The following FUT9 variants were observed in gnomAD, a reference collection of about 807,000 sequenced individuals.
FUT9 encodes the protein 4-galactosyl-N-acetylglucosaminide 3-alpha-L-fucosyltransferase 9.
A neutral mutation model predicts 29.7 loss-of-function variants in FUT9; 15 were observed. That is an observed-to-expected ratio of 0.51 (90% CI 0.34 to 0.78). FUT9 has a LOEUF of 0.78. Among genes scored for constraint, FUT9 ranks in the 30% least tolerant of loss-of-function variants. The pLI is 0.01. For synonymous variants in FUT9, 169 were observed against 153.7 expected, an observed-to-expected ratio of 1.10 and a Z score of -0.74; for missense variants, 319 against 425.4, an observed-to-expected ratio of 0.75 and a Z score of 2.20.
intron 1 of FUT9, among the ~76,000 whole-genome samples, chr6:96,080,327 T>A (rs1054764118): frequency 6.6e-5 from 10 of 152,082 alleles, no homozygotes; most frequent in Admixed American, 1.3e-4. Context: ...GTCTAGAATC[T>A]AGGACTTATT....
chr6:96,132,236 C>G (rs1341915319), intron 2 of FUT9, among the ~76,000 whole-genome samples: 1 of 151,926 alleles, frequency 6.6e-6, no homozygotes, highest in African/African-American at 2.4e-5. Flanking sequence ...CTTTTCCACT[C>G]CATGAAACTT....
intron 1 of FUT9, among the ~76,000 whole-genome samples, chr6:96,105,987 C>T (rs892809639): frequency 1.3e-5 from 2 of 152,152 alleles, no homozygotes; most frequent in Non-Finnish European, 2.9e-5. Context: ...ACTTTTCTGA[C>T]ATTAGTGATC....
intron 1 of FUT9, among the ~76,000 whole-genome samples, chr6:96,097,257 C>T (rs1771516267): frequency 6.6e-6 from 1 of 152,218 alleles, no homozygotes; most frequent in African/African-American, 2.4e-5. Flanking sequence ...ACCCTGGCAC[C>T]TAATATAGTG....
intron 1 of FUT9, among the ~76,000 whole-genome samples, chr6:96,041,557 G>A (rs765711026): frequency 5.3e-5 from 8 of 152,146 alleles, no homozygotes; most frequent in Non-Finnish European, 1.2e-4. Flanking sequence ...GTGGTATGGA[G>A]AAATTTTACA....
At chr6:96,063,281 C>T (rs1353871887) in intron 1 of FUT9, among the ~76,000 whole-genome samples, 1 of 152,080 alleles carries the variant, frequency 6.6e-6, no homozygotes, top group Non-Finnish European at 1.5e-5. Context: ...AATTGGCTCA[C>T]GGTTCTGTAT....
chr6:96,022,103 A>G (rs781044717), intron 1 of FUT9, among the ~76,000 whole-genome samples: 1 of 152,038 alleles, frequency 6.6e-6, no homozygotes, highest in Non-Finnish European at 1.5e-5. Flanking sequence ...AGAGAGCTTC[A>G]AGGAAAAATG....
chr6:96,035,002 A>T (rs1770325946), intron 1 of FUT9, among the ~76,000 whole-genome samples: 1 of 151,754 alleles, frequency 6.6e-6, no homozygotes, highest in Non-Finnish European at 1.5e-5. Flanking sequence ...AACATAGGCA[A>T]ATTAGCTACA....
At chr6:96,130,538 G>T (rs905996544) in intron 2 of FUT9, among the ~76,000 whole-genome samples, 1 of 152,062 alleles carries the variant, frequency 6.6e-6, no homozygotes, top group African/African-American at 2.4e-5. Flanking sequence ...GGACATTAAA[G>T]AAATTCTGTA....
At chr6:96,151,098 G>C (rs1772666952) in intron 2 of FUT9, among the ~76,000 whole-genome samples, 1 of 152,152 alleles carries the variant, frequency 6.6e-6, no homozygotes, top group Non-Finnish European at 1.5e-5. Flanking sequence ...AAACTTAGCA[G>C]AGTGGGTAAC....
At chr6:96,202,488 G>T (rs1773743209) in intron 2 of FUT9, among the ~76,000 whole-genome samples, 1 of 151,942 alleles carries the variant, frequency 6.6e-6, no homozygotes, top group Admixed American at 6.6e-5. Context: ...AAAACTGTAA[G>T]AAAAATATAT....
At chr6:96,128,964 A>C (rs1772182506) in intron 2 of FUT9, among the ~76,000 whole-genome samples, 1 of 151,914 alleles carries the variant, frequency 6.6e-6, no homozygotes, top group East Asian at 1.9e-4. Context: ...TCCACAAAAA[A>C]ATACAAATAG....
At chr6:96,081,711 G>T (rs982257853) in intron 1 of FUT9, among the ~76,000 whole-genome samples, 2 of 151,834 alleles carry the variant, frequency 1.3e-5, no homozygotes, top group African/African-American at 4.8e-5. Context: ...GAACAAAGTT[G>T]AGATTTCCAC....
intron 1 of FUT9, among the ~76,000 whole-genome samples, chr6:96,056,085 T>C (rs1346164977): frequency 6.6e-6 from 1 of 152,226 alleles, no homozygotes; most frequent in African/African-American, 2.4e-5. Context: ...TTTAGATATG[T>C]TGAGTTTCTG....
intron 2 of FUT9, among the ~76,000 whole-genome samples, chr6:96,160,776 T>C (rs992154727): frequency 6.6e-6 from 1 of 152,178 alleles, no homozygotes; most frequent in Non-Finnish European, 1.5e-5. Context: ...TTAATTTTGA[T>C]AAAAATATAA....
intron 1 of FUT9, among the ~76,000 whole-genome samples, chr6:96,041,045 C>T (rs925262138): frequency 4.6e-5 from 7 of 151,938 alleles, no homozygotes; most frequent in Non-Finnish European, 8.8e-5. Flanking sequence ...CTTATTTGTT[C>T]TGCTTTTCTC....
rs1773888356 is a variant in FUT9, at chr6:96,209,199, G to C, written c.*4964G>C. 6.0e-6 allele frequency: 1 copy of C among 166,728 alleles called. No homozygotes were observed. Among genetic ancestry groups the C allele is most frequent in the Admixed American group, 6.6e-5 (1 of 15,210 alleles). The allele number at this position is 166,728 out of a possible 1,614,324, so 10.3% of individuals were successfully genotyped here. A position where few individuals can be genotyped will look rare whatever the true frequency, so the allele number is the denominator to read the frequency against. ...ATTACTCTTATCTAAGATCGAAATTGATATATGCATGAAATTCCTAATGGA... is the reference window on the plus strand; with the variant it reads ...ATTACTCTTATCTAAGATCGAAATTCATATATGCATGAAATTCCTAATGGA... On this transcript the variant is annotated 3_prime_UTR_variant, in exon 3 of 3. Transcript: ENST00000302103.
At chr6:96,151,472 G>A (rs896251136) in intron 2 of FUT9, among the ~76,000 whole-genome samples, 1 of 152,176 alleles carries the variant, frequency 6.6e-6, no homozygotes, top group African/African-American at 2.4e-5. Context: ...GCCAAATGCA[G>A]ACATACTTTA....
At chr6:96,181,259 C>T (rs1373440295) in intron 2 of FUT9, among the ~76,000 whole-genome samples, 1 of 151,874 alleles carries the variant, frequency 6.6e-6, no homozygotes, top group African/African-American at 2.4e-5. Flanking sequence ...TTTAAGGATC[C>T]AATCAATGAA....
intron 2 of FUT9, among the ~76,000 whole-genome samples, chr6:96,135,601 A>G (rs4535557): frequency 0.34 from 51,841 of 151,608 alleles, 10,412 homozygotes; most frequent in Middle Eastern, 0.49. Flanking sequence ...AAAGACATGC[A>G]CAGCAAATGC....
Sources: gnomAD v4.1 joint callset for allele counts (sites outside exome capture counted in the v4.1 genomes callset) on GRCh38, gnomAD v4.1.1 for gene constraint, MANE v1.5 for transcripts, NCBI Gene and HGNC (gene_info 2026-07-23, HGNC 2026-07-21) for gene names.